Variants in SLC35F4 observed in about 807,000 individuals in gnomAD.
SLC35F4 encodes solute carrier family 35 member F4, also known as chromosome 14 open reading frame 36.
Under a neutral mutation model 44.2 loss-of-function variants are expected in SLC35F4, and 24 were observed. That is an observed-to-expected ratio of 0.54 (90% CI 0.39 to 0.76). SLC35F4 has a LOEUF of 0.76. Among genes scored for constraint, SLC35F4 ranks in the 30% least tolerant of loss-of-function variants. The pLI, the probability that SLC35F4 is intolerant of heterozygous loss-of-function variation, is 0.00. For synonymous variants in SLC35F4, 238 were observed against 223.6 expected, an observed-to-expected ratio of 1.06 and a Z score of -0.57; for missense variants, 562 against 586.1, an observed-to-expected ratio of 0.96 and a Z score of 0.42.
rs534242047 is a variant in SLC35F4, at chr14:57,595,370, T to C, written c.104-1246A>G. Among the ~76,000 whole-genome samples the C allele has an allele frequency of 3.3e-5, 5 of 152,196 alleles. No homozygotes were observed. In the East Asian group the frequency reaches 7.7e-4, roughly 23 times the overall value. The stretch of plus-strand genomic sequence containing the variant: ...TACCAACATGACTTGTTATTGATGA[T>C]GTTAACTGTGATCACCCAGCCAAGG... On this transcript the variant is annotated intron_variant, in intron 1 of 7. Transcript: ENST00000556826.
chr14:57,571,897 A>G lies in SLC35F4; in HGVS notation c.930T>C (p.Tyr310=), dbSNP rs374322576. 16 of 1,612,294 alleles carry G rather than the reference A, an allele frequency of 9.9e-6. No individual in the cohort carries two copies. The highest frequency in any genetic ancestry group is 1.1e-5 in the Non-Finnish European group (13 of 1,179,144). Reference sequence around the variant, plus strand: ...CAAAAGAAAGTGCACAACATACCTTATATAATGCAGATGTAGAGGCTGAGC... The same window carrying G: ...CAAAAGAAAGTGCACAACATACCTTGTATAATGCAGATGTAGAGGCTGAGC... ...AVGSASTSAL[Y]KVLFKMFLGS... The change falls in exon 5 of 8, where the codon TAT becomes TAC. Residue 310 remains tyrosine (Y), a synonymous_variant. Coordinates refer to ENST00000556826, the MANE Select transcript of SLC35F4 (RefSeq NM_001306087.2).
intron 1 of SLC35F4, among the ~76,000 whole-genome samples, chr14:57,856,845 A>C (rs1232128427): frequency 6.6e-6 from 1 of 152,118 alleles, no homozygotes; most frequent in Non-Finnish European, 1.5e-5. Context: ...GTTCCAGTGA[A>C]AGTGCATAAG....
Position 57,770,108 on chromosome 14 carries a change from G to T in SLC35F4, c.103+95615C>A, listed in dbSNP as rs146179991. The stretch of plus-strand genomic sequence containing the variant: ...CTGTGTACAGTAGAGCAGGGTTCCA[G>T]GTGACTCCTCTGGATCAGTGAGATG... On this transcript the variant is annotated intron_variant, in intron 1 of 7. Transcript: ENST00000556826. Among the ~76,000 whole-genome samples the T allele has an allele frequency of 8.5e-5, 13 of 152,246 alleles. 1 individual carries two copies. In the East Asian group the frequency reaches 2.5e-3, roughly 29 times the overall value.
rs543712928 is a variant in SLC35F4, at chr14:57,791,486, G to C, written c.103+74237C>G. Among the ~76,000 whole-genome samples the C allele has an allele frequency of 1.1e-4, 17 of 152,286 alleles. 1 individual carries two copies. The South Asian group carries it at 3.3e-3, about 30-fold the overall frequency. ...ATTAAAAAGTCAGGAAACAACAGAT[G>C]CTGGAGAGGATGTGGAGAAAGAGGA... On this transcript the variant is annotated intron_variant, in intron 1 of 7. Transcript: ENST00000556826.
chr14:57,714,358 G>A (rs1013175441), intron 1 of SLC35F4, among the ~76,000 whole-genome samples: 12 of 152,098 alleles, frequency 7.9e-5, no homozygotes, highest in African/African-American at 2.7e-4. Context: ...ACTCTTTTGA[G>A]ATGTTCTACC....
chr14:57,600,109 CAG>C (rs1274298645), intron 1 of SLC35F4, among the ~76,000 whole-genome samples: 1 of 152,182 alleles, frequency 6.6e-6, no homozygotes, highest in Non-Finnish European at 1.5e-5. Context: ...ATCACAAAGT[CAG>C]GGGTTAGATC....
chr14:57,710,301 G>T (rs1813648333), intron 1 of SLC35F4, among the ~76,000 whole-genome samples: 1 of 152,208 alleles, frequency 6.6e-6, no homozygotes, highest in Non-Finnish European at 1.5e-5. Context: ...CAAGAATTGA[G>T]CTTTTGGAAC....
chr14:57,618,822 G>A (rs553223945), intron 1 of SLC35F4, among the ~76,000 whole-genome samples: 108 of 152,302 alleles, frequency 7.1e-4, no homozygotes, highest in Non-Finnish European at 1.4e-3. Flanking sequence ...ACAGCAGTCT[G>A]AGGTGGACCT....
chr14:57,833,167 T>A (rs1029237406), intron 1 of SLC35F4, among the ~76,000 whole-genome samples: 1 of 152,198 alleles, frequency 6.6e-6, no homozygotes, highest in South Asian at 2.1e-4. Flanking sequence ...ACCATCATCA[T>A]CCTTGTTATC....
rs1340265239 is a variant in SLC35F4 at position 57,758,000 on chromosome 14, CATGTGT to C, written c.103+107717_103+107722del. ...TTTTCTGGGTATAGGATTATAGGTT[CATGTGT>C]GTGTGTGTGTGTGTGTGTGTGTGTG... On this transcript the variant is annotated intron_variant, in intron 1 of 7. Transcript: ENST00000556826. Among the ~76,000 whole-genome samples the C allele has an allele frequency of 4.5e-3, 436 of 96,004 alleles. 2 individuals are homozygous for C. Among genetic ancestry groups the C allele is most frequent in the African/African-American group, 0.015 (407 of 26,720 alleles). The allele number at this position is 96,004 out of a possible 152,430, so 63.0% of individuals were successfully genotyped here.
At chr14:57,588,942 TCTTAAAATGGGGATAACACCAC>T (rs1318044068) in intron 3 of SLC35F4, among the ~76,000 whole-genome samples, 6 of 152,110 alleles carry the variant, frequency 3.9e-5, no homozygotes, top group Non-Finnish European at 8.8e-5. Context: ...TGTCCTCTTG[TCTTAAAATGGGGATAACACCAC>T]CTTAAAATGT....
intron 1 of SLC35F4, among the ~76,000 whole-genome samples, chr14:57,891,320 A>G (rs889377229): frequency 6.6e-6 from 1 of 152,172 alleles, no homozygotes; most frequent in Non-Finnish European, 1.5e-5. Flanking sequence ...ACAACACTGC[A>G]GAACTAGACA....
At chr14:57,755,711 T>C (rs1010963583) in intron 1 of SLC35F4, among the ~76,000 whole-genome samples, 3 of 146,038 alleles carry the variant, frequency 2.1e-5, no homozygotes, top group Non-Finnish European at 3.0e-5. Flanking sequence ...CCAAAACTTA[T>C]GCTTCATAGT....
chr14:57,687,119 C>A (rs540004625), intron 1 of SLC35F4, among the ~76,000 whole-genome samples: 1 of 152,266 alleles, frequency 6.6e-6, no homozygotes, highest in Non-Finnish European at 1.5e-5. Flanking sequence ...AACCAACTTG[C>A]TGACACCTTG....
intron 1 of SLC35F4, among the ~76,000 whole-genome samples, chr14:57,656,699 G>T (rs1427082486): frequency 6.6e-6 from 1 of 151,910 alleles, no homozygotes; most frequent in Non-Finnish European, 1.5e-5. Flanking sequence ...ACAGCAACTG[G>T]CCCATATCAA....
At chr14:57,919,710 AACAG>A (rs1354958670) in intron 1 of SLC35F4, among the ~76,000 whole-genome samples, 12 of 152,174 alleles carry the variant, frequency 7.9e-5, no homozygotes, top group Non-Finnish European at 2.9e-5. Context: ...GCCATGAAAT[AACAG>A]ACAGCCGGGA....
rs2141056562 is a variant in SLC35F4, at chr14:57,919,183, A to G, written n.282+62730T>C. On this transcript the variant is annotated intron_variant and non_coding_transcript_variant, in intron 1 of 1. Transcript: ENST00000556568. ...CCTAAGTAAGACAACTCCCTGCTGA[A>G]CAGTATTACACACATCAGACTGGTA... Among the ~76,000 whole-genome samples the G allele has an allele frequency of 2.0e-5, 3 of 152,326 alleles. No individual in the cohort carries two copies. In the South Asian group the frequency reaches 6.2e-4, roughly 32 times the overall value.
intron 1 of SLC35F4, among the ~76,000 whole-genome samples, chr14:57,721,154 T>A (rs2140436557): frequency 1.3e-5 from 2 of 151,354 alleles, no homozygotes; most frequent in South Asian, 4.2e-4. Flanking sequence ...TTTCACTGGT[T>A]TTGGGGTTTT....
intron 1 of SLC35F4, among the ~76,000 whole-genome samples, chr14:57,832,931 G>A (rs113004356): frequency 6.6e-5 from 10 of 152,264 alleles, no homozygotes; most frequent in East Asian, 1.9e-4. Context: ...TAGCCAACAC[G>A]ACCCAGGGTA....
Sources: gnomAD v4.1 joint callset for allele counts (sites outside exome capture counted in the v4.1 genomes callset) on GRCh38, gnomAD v4.1.1 for gene constraint, MANE v1.5 for transcripts, NCBI Gene and HGNC (gene_info 2026-07-23, HGNC 2026-07-21) for gene names.